SCAF8: variants seen among roughly 807,000 people sequenced by gnomAD.
The protein encoded by SCAF8 is SR-related and CTD-associated factor 8.
SCAF8 carries 23 observed loss-of-function variants against 140.5 expected under a neutral mutation model. The ratio of observed to expected loss-of-function variants is 0.16; its 90% CI spans 0.12 to 0.23. The LOEUF (loss-of-function observed/expected upper bound fraction) is 0.23, where lower values mean the gene tolerates loss of function less well. Ranked by LOEUF, SCAF8 falls within the 10% of genes least tolerant of loss-of-function variation. The probability of loss-of-function intolerance (pLI) is 1.00; values close to 1 mark genes in which losing one functional copy is unlikely to be tolerated. For missense variants in SCAF8, 1,397 were observed against 1,555.7 expected, an observed-to-expected ratio of 0.90 and a Z score of 1.72; for synonymous variants, 575 against 528.9, an observed-to-expected ratio of 1.09 and a Z score of -1.20.
chr6:154,741,799 G>A (rs961922641), intron 1 of SCAF8, among the ~76,000 whole-genome samples: 1 of 152,180 alleles, frequency 6.6e-6, no homozygotes, highest in Non-Finnish European at 1.5e-5. Flanking sequence ...TCTTTCTAAG[G>A]CCAGTTACGC....
Position 154,795,603 on chromosome 6 carries a change from G to GT in SCAF8, c.606+465dup, listed in dbSNP as rs1777579345. Reference sequence around the variant, plus strand: ...GCCAACAGGAGGTGTATTTGAGGAAGTGACATTTGAATCGAGACATGAAAT... The same window carrying GT: ...GCCAACAGGAGGTGTATTTGAGGAAGTTGACATTTGAATCGAGACATGAAAT... On this transcript the variant is annotated intron_variant, in intron 6 of 19. Transcript: ENST00000367178. Among the ~76,000 whole-genome samples, 4 of 152,218 alleles carry GT rather than the reference G, an allele frequency of 2.6e-5. No homozygotes were observed. The South Asian group carries it at 8.3e-4, about 31-fold the overall frequency.
intron 9 of SCAF8, among the ~76,000 whole-genome samples, chr6:154,807,562 A>G (rs1777958915): frequency 6.6e-6 from 1 of 152,130 alleles, no homozygotes; most frequent in Non-Finnish European, 1.5e-5. Context: ...CTGTATTTTC[A>G]GTAGAGACGG....
chr6:154,788,061 A>G lies in SCAF8; in HGVS notation c.321+39A>G, dbSNP rs559696452. The stretch of plus-strand genomic sequence containing the variant: ...TTTTTTTTTTTGTTTTTTTAAAAGT[A>G]GATACAGTAGCCTCTTGGTCTTAAT... On this transcript the variant is annotated intron_variant, in intron 4 of 19. Transcript: ENST00000367178. 8.6e-6 allele frequency: 13 copies of G among 1,517,202 alleles called. No homozygotes were observed. In the Admixed American group the frequency reaches 1.4e-4, roughly 16 times the overall value. The allele number at this position is 1,517,202 out of a possible 1,614,324, so 94.0% of individuals were successfully genotyped here. A position where few individuals can be genotyped will look rare whatever the true frequency, so the allele number is the denominator to read the frequency against.
intron 3 of SCAF8, among the ~76,000 whole-genome samples, chr6:154,778,763 C>T (rs1583026414): frequency 7.6e-6 from 1 of 132,338 alleles, no homozygotes; most frequent in South Asian, 2.5e-4. Flanking sequence ...GACCCTGTCT[C>T]AAAAAATGTG....
chr6:154,734,335 G>T (rs1304379984), intron 1 of SCAF8, among the ~76,000 whole-genome samples: 1 of 152,188 alleles, frequency 6.6e-6, no homozygotes, highest in Non-Finnish European at 1.5e-5. Flanking sequence ...AGACCTTCCC[G>T]GGTCCTCACT....
At chr6:154,825,823 C>T (rs1778550893) in intron 17 of SCAF8, among the ~76,000 whole-genome samples, 2 of 152,038 alleles carry the variant, frequency 1.3e-5, no homozygotes, top group South Asian at 4.2e-4. Flanking sequence ...CTAAAAGCCC[C>T]ATCTTAAACT....
chr6:154,761,279 G>T (rs80086128), intron 1 of SCAF8, among the ~76,000 whole-genome samples: 1 of 152,234 alleles, frequency 6.6e-6, no homozygotes, highest in African/African-American at 2.4e-5. Flanking sequence ...CTGAGGTTGG[G>T]AGTTCGAGAC....
In SCAF8 at chr6:154,830,998, C is replaced by T. The variant is rs202112628; in HGVS notation, c.2217C>T (p.Gly739=). 6.1e-5 allele frequency: 98 copies of T among 1,613,992 alleles called. No homozygotes were observed. Among genetic ancestry groups the T allele is most frequent in the East Asian group, 2.5e-4 (11 of 44,868 alleles). The change falls in exon 19 of 20, where the codon GGC becomes GGT. Residue 739 remains glycine, a synonymous_variant. Transcript: ENST00000367178. ...DVGFGSLVIP[G]GSVASNLATS... is the part of the protein sequence containing the mutation. Reference sequence around the variant, plus strand: ...GATTTGGTAGCCTTGTTATACCAGGCGGTTCTGTTGCCAGCAATCTTGCTA... The same window carrying T: ...GATTTGGTAGCCTTGTTATACCAGGTGGTTCTGTTGCCAGCAATCTTGCTA...
chr6:154,793,496 T>C (rs904086090), intron 5 of SCAF8, among the ~76,000 whole-genome samples: 34 of 151,986 alleles, frequency 2.2e-4, no homozygotes, highest in African/African-American at 7.9e-4. Flanking sequence ...AATAATTTTT[T>C]CAAAAATTTT....
intron 1 of SCAF8, among the ~76,000 whole-genome samples, chr6:154,769,343 C>A (rs1776671362): frequency 6.6e-6 from 1 of 152,168 alleles, no homozygotes; most frequent in African/African-American, 2.4e-5. Flanking sequence ...AAGCTTTGGT[C>A]TGCTACAATA....
intron 17 of SCAF8, among the ~76,000 whole-genome samples, chr6:154,825,503 G>T (rs1778539691): frequency 3.3e-5 from 5 of 151,586 alleles, no homozygotes; most frequent in Middle Eastern, 3.4e-3. Flanking sequence ...GTGACACCCT[G>T]TCTGTACAAA....
At chr6:154,745,097 T>C (rs1778663677) in intron 1 of SCAF8, among the ~76,000 whole-genome samples, 1 of 152,240 alleles carries the variant, frequency 6.6e-6, no homozygotes, top group African/African-American at 2.4e-5. Flanking sequence ...GAGTAAATTC[T>C]ACATCACACC....
chr6:154,818,193 T>C (rs1489204967), intron 13 of SCAF8, among the ~76,000 whole-genome samples: 1 of 152,232 alleles, frequency 6.6e-6, no homozygotes, highest in Admixed American at 6.5e-5. Flanking sequence ...TAGTTCTTTT[T>C]CTGTATTCAG....
chr6:154,773,130 T>G (rs1277931332), intron 1 of SCAF8, among the ~76,000 whole-genome samples: 1 of 152,198 alleles, frequency 6.6e-6, no homozygotes, highest in Non-Finnish European at 1.5e-5. Flanking sequence ...AAGTATACAA[T>G]TCAGTGGTTC....
intron 15 of SCAF8, among the ~76,000 whole-genome samples, chr6:154,821,938 T>C (rs1357645755): frequency 1.3e-5 from 2 of 152,228 alleles, no homozygotes; most frequent in African/African-American, 4.8e-5. Flanking sequence ...TGGTCTTCCT[T>C]TGTTGTATTT....
chr6:154,782,354 G>A (rs958646117), intron 3 of SCAF8, among the ~76,000 whole-genome samples: 1 of 152,216 alleles, frequency 6.6e-6, no homozygotes, highest in Non-Finnish European at 1.5e-5. Context: ...AGGAAGTTGA[G>A]GCTGTAGTGA....
At chr6:154,766,185 T>C (rs1161831389) in intron 1 of SCAF8, among the ~76,000 whole-genome samples, 1 of 152,014 alleles carries the variant, frequency 6.6e-6, no homozygotes, top group African/African-American at 2.4e-5. Context: ...TTGAGTAGGC[T>C]GAGGAAGGGA....
chr6:154,790,146 G>C (rs546236168), intron 4 of SCAF8, among the ~76,000 whole-genome samples: 6 of 152,266 alleles, frequency 3.9e-5, no homozygotes, highest in Non-Finnish European at 7.3e-5. Flanking sequence ...ATAAATGAAG[G>C]ACATCGTATG....
rs1583078978 is a variant in SCAF8 at position 154,833,886 on chromosome 6, T to G, written c.*491T>G. On this transcript the variant is annotated 3_prime_UTR_variant, in exon 20 of 20. Transcript: ENST00000367178. The stretch of plus-strand genomic sequence containing the variant: ...ACAATACAGAGATTTTAAAAAGTGA[T>G]TTTGTAAAATCTACACTACGGTCTC... 6.6e-6 allele frequency: 1 copy of G among 152,306 alleles called. No individual in the cohort carries two copies. 9.4% of individuals were successfully genotyped at this position (152,306 alleles called of 1,614,324 possible).
Sources: allele counts gnomAD v4.1 joint callset (sites outside exome capture counted in the v4.1 genomes callset), GRCh38; gene constraint gnomAD v4.1.1; transcripts MANE v1.5; gene names NCBI Gene and HGNC (gene_info 2026-07-23, HGNC 2026-07-21).